The following KIF15 variants were observed in gnomAD, a reference collection of about 807,000 sequenced individuals.
KIF15 encodes the protein kinesin-like protein KIF15.
In KIF15, 140 loss-of-function variants were observed where a neutral mutation model predicts 190.6. The observed-to-expected ratio is 0.73, with a 90% confidence interval of 0.64 to 0.84. The LOEUF (loss-of-function observed/expected upper bound fraction) is 0.84. Ranked by LOEUF, KIF15 falls within the 40% of genes least tolerant of loss-of-function variation. KIF15 has a pLI of 0.00. For synonymous variants in KIF15, 528 were observed against 551.3 expected, an observed-to-expected ratio of 0.96 and a Z score of 0.59; for missense variants, 1,372 against 1,584.4, an observed-to-expected ratio of 0.87 and a Z score of 2.28.
At chr3:44,780,829 G>C (rs528544902) in intron 4 of KIF15, 56 bp from the exon 5 acceptor site, 1 of 1,138,370 alleles carries the variant, frequency 8.8e-7, no homozygotes, top group Non-Finnish European at 1.3e-6. Flanking sequence ...ATTATAATAG[G>C]AGGAGTAGTC....
intron 20 of KIF15, among the ~76,000 whole-genome samples, chr3:44,820,926 G>A (rs1234940806): frequency 6.6e-6 from 1 of 152,126 alleles, no homozygotes; most frequent in Non-Finnish European, 1.5e-5. Context: ...AGTAGGGGCG[G>A]CCGGGCAGAG....
chr3:44,782,118 T>A (rs1706195866), intron 5 of KIF15, among the ~76,000 whole-genome samples: 2 of 152,186 alleles, frequency 1.3e-5, no homozygotes. Flanking sequence ...GGTACAATCT[T>A]GGCTCACTGC....
At chr3:44,812,940 G>A (rs558128462) in intron 18 of KIF15, 135 bp from the exon 19 acceptor site, 18 of 500,548 alleles carry the variant, frequency 3.6e-5, no homozygotes, top group East Asian at 3.3e-4. Context: ...AGCCGAGGTC[G>A]CATCACTGCA....
chr3:44,840,293 C>G, intron 27 of KIF15, 62 bp from the exon 28 acceptor site: 1 of 947,076 alleles, frequency 1.1e-6, no homozygotes. Context: ...TTTGTCTTTT[C>G]TATTTGGACC....
chr3:44,792,095 G>T (rs912241686), intron 7 of KIF15, among the ~76,000 whole-genome samples: 1 of 151,988 alleles, frequency 6.6e-6, no homozygotes, highest in Non-Finnish European at 1.5e-5. Flanking sequence ...TTTTGTAGCT[G>T]TATGAATGTA....
intron 15 of KIF15, among the ~76,000 whole-genome samples, chr3:44,805,394 A>G (rs1197389246): frequency 6.6e-6 from 1 of 152,204 alleles, no homozygotes; most frequent in East Asian, 1.9e-4. Flanking sequence ...TTGAGAGTCT[A>G]TTGAACTTGC....
chr3:44,848,431 G>A, intron 31 of KIF15, 90 bp from the exon 32 acceptor site: 1 of 643,410 alleles, frequency 1.6e-6, no homozygotes. Context: ...ACATGAAGGA[G>A]AATGGGCTGG....
In KIF15 at chr3:44,830,047, C is replaced by T. The variant is rs1229926895; in HGVS notation, c.3020C>T (p.Thr1007Ile). The change falls in exon 25 of 35, where the codon ACC becomes ATC. Residue 1007 changes from threonine (T) to isoleucine (I), a missense_variant. By Grantham distance (89) the Thr-to-Ile change is moderately conservative. Coordinates refer to ENST00000326047, the MANE Select transcript of KIF15 (RefSeq NM_020242.3). ...TGTGAGAAAACAGAAACTATAGACA[C>T]CCTGAAACAAGAACTGAAGGACATA... is the stretch of plus-strand genomic sequence containing the variant. ...SVCEKTETID[T>I]LKQELKDINC... The T allele has an allele frequency of 1.9e-6, 3 of 1,588,944 alleles. No individual in the cohort carries two copies. In the African/African-American group the frequency reaches 4.1e-5, roughly 22 times the overall value.
intron 16 of KIF15, among the ~76,000 whole-genome samples, chr3:44,808,483 C>CCCACAA (rs1057233949): frequency 6.6e-6 from 1 of 152,090 alleles, no homozygotes; most frequent in African/African-American, 2.4e-5. Context: ...ATCCTTTGTC[C>CCCACAA]CCACAATCCC....
chr3:44,822,211 A>G (rs1023921651), intron 20 of KIF15, among the ~76,000 whole-genome samples: 1 of 152,124 alleles, frequency 6.6e-6, no homozygotes, highest in East Asian at 1.9e-4. Context: ...TGGTGACAAA[A>G]TCTCTCAGCA....
At chr3:44,859,856 T>C (rs912919962) in intron 6 of KIF15, among the ~76,000 whole-genome samples, 1 of 152,194 alleles carries the variant, frequency 6.6e-6, no homozygotes, top group African/African-American at 2.4e-5. Context: ...AGTCTAGCTC[T>C]AGACCTAATG....
At chr3:44,815,512 A>C (rs6792918) in intron 20 of KIF15, among the ~76,000 whole-genome samples, 9,639 of 152,266 alleles carry the variant, frequency 0.063, 330 homozygotes, top group Middle Eastern at 0.095. Flanking sequence ...TCACTTTACC[A>C]GGTTTGAGAT....
At chr3:44,825,549 T>C (rs1039630384) in intron 20 of KIF15, among the ~76,000 whole-genome samples, 1 of 152,214 alleles carries the variant, frequency 6.6e-6, no homozygotes, top group Non-Finnish European at 1.5e-5. Context: ...AAAGCAGTAA[T>C]TATCTTCCAA....
At chr3:44,804,418 C>G (rs1303991249) in intron 14 of KIF15, among the ~76,000 whole-genome samples, 2 of 152,222 alleles carry the variant, frequency 1.3e-5, no homozygotes, top group African/African-American at 4.8e-5. Context: ...ATACCGGGTT[C>G]TTACAACCTG....
chr3:44,795,484 T>C (rs186793498), intron 8 of KIF15, among the ~76,000 whole-genome samples: 5 of 152,282 alleles, frequency 3.3e-5, no homozygotes, highest in South Asian at 4.1e-4. Flanking sequence ...AAGTGATTCA[T>C]GAAGAAAGCC....
downstream of KIF15, among the ~76,000 whole-genome samples, chr3:44,854,946 G>A (rs1699171959): frequency 6.6e-6 from 1 of 152,130 alleles, no homozygotes; most frequent in Non-Finnish European, 1.5e-5. Context: ...TCATATCACA[G>A]GTACCAGGGG....
intron 18 of KIF15, 39 bp downstream of exon 18, chr3:44,812,328 A>G: frequency 7.1e-7 from 1 of 1,415,206 alleles, no homozygotes; most frequent in Non-Finnish European, 1.0e-6. Context: ...TGTATGAAGT[A>G]CCCTCAAATG....
intron 1 of KIF15, among the ~76,000 whole-genome samples, chr3:44,762,823 TTTTCC>T (rs1418697434): frequency 2.0e-5 from 3 of 152,084 alleles, no homozygotes; most frequent in Non-Finnish European, 4.4e-5. Context: ...AAAATATTCC[TTTTCC>T]TTTCATCATT....
intron 25 of KIF15, 81 bp downstream of exon 25, chr3:44,830,156 C>A: frequency 1.7e-6 from 1 of 589,990 alleles, no homozygotes; most frequent in South Asian, 3.0e-5. Context: ...AGATGCTCCA[C>A]CAGAAAAAAG....
Sources: allele counts gnomAD v4.1 joint callset (sites outside exome capture counted in the v4.1 genomes callset), GRCh38; gene constraint gnomAD v4.1.1; transcripts MANE v1.5; gene names NCBI Gene and HGNC (gene_info 2026-07-23, HGNC 2026-07-21).